Variants in CYB5R3 observed in about 807,000 individuals in gnomAD.
CYB5R3 encodes cytochrome b5 reductase 3.
A neutral mutation model predicts 36.5 loss-of-function variants in CYB5R3; 28 were observed. That is an observed-to-expected ratio of 0.77 (90% CI 0.57 to 1.05). The LOEUF (loss-of-function observed/expected upper bound fraction) is 1.05. CYB5R3 is among the 50% of genes least tolerant of loss of function. CYB5R3 has a pLI of 0.00. For missense variants in CYB5R3, 474 were observed against 408.9 expected, an observed-to-expected ratio of 1.16 and a Z score of -1.37; for synonymous variants, 181 against 159.8, an observed-to-expected ratio of 1.13 and a Z score of -1.00.
At position 42,636,695 on chromosome 22, in the gene CYB5R3, C is replaced by T. The variant is rs770403200; in HGVS notation, c.153+20G>A. On this transcript the variant is annotated intron_variant, in intron 2 of 8. Coordinates refer to ENST00000352397, the MANE Select transcript of CYB5R3 (RefSeq NM_000398.7). ...CAATGCTGTGATGCTGACGAGGCAGCGGCGGCGGCCGGCACTCACCTCCCG... is the reference window on the plus strand; with the variant it reads ...CAATGCTGTGATGCTGACGAGGCAGTGGCGGCGGCCGGCACTCACCTCCCG... 75 of 1,607,198 alleles carry T rather than the reference C, an allele frequency of 4.7e-5. No individual in the cohort carries two copies. The highest frequency in any genetic ancestry group is 1.6e-4 in the Middle Eastern group (1 of 6,076).
chr22:42,621,183 AGTGTGTGTGTGTGTGTGT>A (rs61564405), intron 8 of CYB5R3, among the ~76,000 whole-genome samples: 3 of 147,718 alleles, frequency 2.0e-5, no homozygotes, highest in African/African-American at 7.5e-5. Context: ...ATTTCTTTTT[AGTGTGTGTGTGTGTGTGT>A]GTGTGTGTGT....
Position 42,628,166 on chromosome 22 carries a change from A to G in CYB5R3, c.449T>C (p.Val150Ala). The G allele has an allele frequency of 1.2e-6, 2 of 1,614,080 alleles. No homozygotes were observed. Among genetic ancestry groups the G allele is most frequent in the Non-Finnish European group, 1.7e-6 (2 of 1,179,984 alleles). Residue 150 changes from valine to alanine, a missense_variant, in exon 5 of 9, where the codon GTC becomes GCC. Coordinates refer to ENST00000352397, the MANE Select transcript of CYB5R3 (RefSeq NM_000398.7). ...IEFRGPSGLL[V>A]YQGKGKFAIR... Reference sequence around the variant, plus strand: ...ACCCGAATCACCTTTGCCCTGGTAGACCAGCAGCCCACTGGGGCCCCGGAA... The same window carrying G: ...ACCCGAATCACCTTTGCCCTGGTAGGCCAGCAGCCCACTGGGGCCCCGGAA...
chr22:42,648,195 T>C (rs1195748612), intron 1 of CYB5R3, among the ~76,000 whole-genome samples: 1 of 151,156 alleles, frequency 6.6e-6, no homozygotes, highest in African/African-American at 2.4e-5. Context: ...AGAGGCCTTT[T>C]GCCTGGATCC....
chr22:42,638,793 G>T (rs901816361), intron 1 of CYB5R3, among the ~76,000 whole-genome samples: 1 of 148,030 alleles, frequency 6.8e-6, no homozygotes, highest in African/African-American at 2.5e-5. Flanking sequence ...AGCACTTTGG[G>T]AGGCTGAGGC....
chr22:42,636,760 G>A lies in CYB5R3; in HGVS notation c.108C>T (p.Leu36=), dbSNP rs11541432. Residue 36 remains leucine, a synonymous_variant, in exon 2 of 9, where the codon CTC becomes CTT. Coordinates refer to ENST00000352397, the MANE Select transcript of CYB5R3 (RefSeq NM_000398.7). ...GCGGGTACTTGATGTCCGGGCTCTC[G>A]AGGGTGATGGCTGGCGTGGAGCGCT... is the stretch of plus-strand genomic sequence containing the variant. ...LFQRSTPAIT[L]ESPDIKYPLR... 29 of 1,613,652 alleles carry A rather than the reference G, an allele frequency of 1.8e-5. No individual in the cohort carries two copies. The highest frequency in any genetic ancestry group is 1.6e-4 in the Middle Eastern group (1 of 6,084).
Position 42,628,224 on chromosome 22 carries a change from G to T in CYB5R3, c.391C>A (p.Leu131Met), listed in dbSNP as rs1928404706. 2 of 1,613,956 alleles carry T rather than the reference G, an allele frequency of 1.2e-6. No homozygotes were observed. The highest frequency in any genetic ancestry group is 1.7e-6 in the Non-Finnish European group (2 of 1,179,982). The change falls in exon 5 of 9, where the codon CTG becomes ATG. Residue 131 changes from leucine to methionine, a missense_variant. Physicochemically the swap from Leu to Met is conservative, Grantham distance 15. Coordinates refer to ENST00000352397, the MANE Select transcript of CYB5R3 (RefSeq NM_000398.7). ...FPAGGKMSQY[L>M]ESMQIGDTIE... Reference sequence around the variant, plus strand: ...GTGTCTCCAATCTGCATGCTCTCCAGGTACTGAGACATCTTCCCTCCAGCG... The same window carrying T: ...GTGTCTCCAATCTGCATGCTCTCCATGTACTGAGACATCTTCCCTCCAGCG...
chr22:42,648,823 C>G (rs1929640979), intron 1 of CYB5R3, among the ~76,000 whole-genome samples: 1 of 149,764 alleles, frequency 6.7e-6, no homozygotes, highest in Non-Finnish European at 1.5e-5. Flanking sequence ...TGACATCGCC[C>G]ATTCACATAC....
chr22:42,619,913 C>T lies in CYB5R3; in HGVS notation c.766G>A (p.Glu256Lys), dbSNP rs770576951. Residue 256 changes from glutamate (E) to lysine (K), a missense_variant, in exon 9 of 9, where the codon GAG (glutamate) becomes AAG (lysine). Glu to Lys is a moderately conservative substitution (Grantham distance 56). Transcript: ENST00000352397. The part of the protein sequence containing the change: ...WDYGQGFVNE[E>K]MIRDHLPPPE... ...GGTGGAAGGTGGTCCCGGATCATCT[C>T]CTCATTCACGAAGCCCTGGCCGTAG... 2 of 1,607,212 alleles carry T rather than the reference C, an allele frequency of 1.2e-6. No individual in the cohort carries two copies. The highest frequency in any genetic ancestry group is 1.7e-6 in the Non-Finnish European group (2 of 1,176,952).
At chr22:42,621,184 G>T (rs1485449355) in intron 8 of CYB5R3, among the ~76,000 whole-genome samples, 1 of 7,738 alleles carries the variant, frequency 1.3e-4, no homozygotes, top group Non-Finnish European at 2.1e-4. Flanking sequence ...TTTCTTTTTA[G>T]TGTGTGTGTG....
intron 2 of CYB5R3, among the ~76,000 whole-genome samples, chr22:42,634,766 C>T (rs1352352233): frequency 1.2e-4 from 14 of 117,328 alleles, no homozygotes; most frequent in African/African-American, 1.4e-4. Flanking sequence ...GCTGGGATTA[C>T]AGGCATCTGC....
Position 42,619,995 on chromosome 22 carries a change from A to G in CYB5R3, c.734-50T>C, listed in dbSNP as rs778895529. 7.9e-6 allele frequency: 12 copies of G among 1,521,866 alleles called. No homozygotes were observed. The Admixed American group carries it at 1.7e-4, about 22-fold the overall frequency. The allele number at this position is 1,521,866 out of a possible 1,614,324, so 94.3% of individuals were successfully genotyped here. A position where few individuals can be genotyped will look rare whatever the true frequency, so the allele number is the denominator to read the frequency against. On this transcript the variant is annotated intron_variant, in intron 8 of 8. Coordinates refer to ENST00000352397, the MANE Select transcript of CYB5R3 (RefSeq NM_000398.7). The stretch of plus-strand genomic sequence containing the variant: ...CTGACGTGTGGCTGTGTGGTCACCA[A>G]CCTGCTGACCGACCAACCCTAGGCG...
At chr22:42,646,201 G>A (rs749181421) in intron 1 of CYB5R3, among the ~76,000 whole-genome samples, 24 of 152,114 alleles carry the variant, frequency 1.6e-4, no homozygotes, top group Non-Finnish European at 8.8e-5. Flanking sequence ...CCTGTGCTGC[G>A]TGCACACTCA....
intron 8 of CYB5R3, among the ~76,000 whole-genome samples, chr22:42,620,786 A>T (rs1927922570): frequency 6.6e-6 from 1 of 152,100 alleles, no homozygotes; most frequent in African/African-American, 2.4e-5. Flanking sequence ...TCTTTATCTC[A>T]TGGACTCCAT....
chr22:42,619,426 A>C lies in CYB5R3; in HGVS notation c.*347T>G. 1.8e-4 allele frequency: 49 copies of C among 277,586 alleles called. No individual in the cohort carries two copies. Among genetic ancestry groups the C allele is most frequent in the East Asian group, 2.3e-4 (3 of 13,298 alleles). The allele number at this position is 277,586 out of a possible 1,614,324, so 17.2% of individuals were successfully genotyped here. ...TCTGCTGACATCCCGACTATGGTCC[A>C]CGGCCGGGAATGGTGGGCAGACGGG... On this transcript the variant is annotated 3_prime_UTR_variant, in exon 9 of 9. Transcript: ENST00000352397.
chr22:42,631,054 A>G (rs1928590187), intron 3 of CYB5R3, 66 bp from the exon 4 acceptor site: 2 of 1,397,224 alleles, frequency 1.4e-6, no homozygotes, highest in Admixed American at 3.6e-5. Context: ...GGGTCTTGTC[A>G]ACCCACTCCC....
intron 1 of CYB5R3, chr22:42,646,878 G>A (rs1929563576): frequency 1.4e-5 from 14 of 985,588 alleles, no homozygotes; most frequent in Non-Finnish European, 1.6e-5. Context: ...AAGCCCGGCA[G>A]ACTGTACCTG....
At chr22:42,620,001 T>C in intron 8 of CYB5R3, 56 bp from the exon 9 acceptor site, 1 of 1,501,738 alleles carries the variant, frequency 6.7e-7, no homozygotes, top group East Asian at 2.4e-5. Flanking sequence ...ACCAACCTGC[T>C]GACCGACCAA....
At chr22:42,629,964 A>AT (rs1224209983) in intron 4 of CYB5R3, among the ~76,000 whole-genome samples, 2 of 151,858 alleles carry the variant, frequency 1.3e-5, no homozygotes, top group South Asian at 2.1e-4. Flanking sequence ...TGCCCAGCTA[A>AT]TTTTTTTGTA....
rs528232853 is a variant in CYB5R3, at chr22:42,619,586, C to G, written c.*187G>C. The stretch of plus-strand genomic sequence containing the variant: ...ACGTACTCTGAAGGCTCAGCCGTGG[C>G]CCATCTGGGACACAGCCCTGCTCCC... On this transcript the variant is annotated 3_prime_UTR_variant, in exon 9 of 9. Transcript: ENST00000352397. The G allele has an allele frequency of 5.8e-5, 36 of 615,682 alleles. No homozygotes were observed. In the East Asian group the frequency reaches 9.4e-4, roughly 16 times the overall value. 38.1% of individuals were successfully genotyped at this position (615,682 alleles called of 1,614,324 possible). A position where few individuals can be genotyped will look rare whatever the true frequency, so the allele number is the denominator to read the frequency against.
Sources: allele counts gnomAD v4.1 joint callset (sites outside exome capture counted in the v4.1 genomes callset), GRCh38; gene constraint gnomAD v4.1.1; transcripts MANE v1.5; gene names NCBI Gene and HGNC (gene_info 2026-07-23, HGNC 2026-07-21).